Variants in TROAP observed in about 807,000 individuals in gnomAD.
TROAP encodes tastin.
A neutral mutation model predicts 83.4 loss-of-function variants in TROAP; 62 were observed. That is an observed-to-expected ratio of 0.74 (90% CI 0.61 to 0.92). TROAP has a LOEUF of 0.92. Ranked by LOEUF, TROAP falls within the 40% of genes least tolerant of loss-of-function variation. The pLI, the probability that TROAP is intolerant of heterozygous loss-of-function variation, is 0.00. For synonymous variants in TROAP, 352 were observed against 386.4 expected (o/e 0.91, Z 1.04); for missense variants, 876 against 985.1 (o/e 0.89, Z 1.48).
chr12:49,329,787 G>A lies in TROAP; in HGVS notation c.1165-70G>A, dbSNP rs1175725581. ...GGGGCTTCAATCCATTCCTCATGAG[G>A]GTGGGACTCAGGCTGGTCTTTCTCC... On this transcript the variant is annotated intron_variant, in intron 11 of 14. Coordinates refer to ENST00000257909, the MANE Select transcript of TROAP (RefSeq NM_005480.4). The surrounding 1 kb of genome is among the most constrained non-coding windows in gnomAD (Gnocchi z 4.5). 15 of 1,579,678 alleles carry A rather than the reference G, an allele frequency of 9.5e-6. No individual in the cohort carries two copies. Among genetic ancestry groups the A allele is most frequent in the African/African-American group, 1.3e-5 (1 of 74,260 alleles).
At position 49,330,802 on chromosome 12, in the gene TROAP, A is replaced by G; in HGVS notation, c.1957A>G (p.Ser653Gly). ...ASEPCTLEHR[S>G]LESSLPPCCS... The stretch of plus-strand genomic sequence containing the variant: ...AGAGCCCTGCACCCTGGAACATAGA[A>G]GTCTAGAGTCCAGTCTACCACCCTG... The change falls in exon 13 of 15, where the codon AGT (serine) becomes GGT (glycine). Residue 653 changes from serine to glycine, a missense_variant. Coordinates refer to ENST00000257909, the MANE Select transcript of TROAP (RefSeq NM_005480.4). The G allele has an allele frequency of 6.2e-7, 1 of 1,613,978 alleles. No individual in the cohort carries two copies.
chr12:49,327,171 G>A (rs759194516), intron 7 of TROAP, 38 bp from the exon 8 acceptor site: 1 of 1,612,370 alleles, frequency 6.2e-7, no homozygotes, highest in East Asian at 2.2e-5. Context: ...TTTGGTGGGT[G>A]TTCTAGAGTC....
At chr12:49,325,418 C>A (rs899199494) in intron 3 of TROAP, 83 bp from the exon 4 acceptor site, 1 of 1,412,444 alleles carries the variant, frequency 7.1e-7, no homozygotes, top group Non-Finnish European at 9.5e-7. Context: ...CTCTTGCTCA[C>A]CTTGTACCTC....
At chr12:49,326,304 C>T (rs1262850756) in intron 6 of TROAP, 146 bp downstream of exon 6, 10 of 802,894 alleles carry the variant, frequency 1.2e-5, no homozygotes, top group South Asian at 6.3e-5. Flanking sequence ...TGTGATTACC[C>T]GGGATGAGCC....
rs149813856 is a variant in TROAP at position 49,331,223 on chromosome 12, A to G, written c.2108A>G (p.Asn703Ser). The change falls in exon 14 of 15, where the codon AAT (asparagine) becomes AGT (serine). Residue 703 changes from asparagine (N) to serine (S), a missense_variant. By Grantham distance (46) the Asn-to-Ser change is conservative (BLOSUM62 1). Transcript: ENST00000257909. ...RPPAGQAGLS[N>S]LAPRTLALRE... ...TTTCCATGCCCCTCAGGCCTCAGCA[A>G]TCTGGCCCCTCGAACCCTAGCCCTG... 9.7e-5 allele frequency: 157 copies of G among 1,614,022 alleles called. No individual in the cohort carries two copies. The highest frequency in any genetic ancestry group is 4.7e-4 in the African/African-American group (35 of 74,908).
rs745450242 is a variant in TROAP at position 49,329,531 on chromosome 12, C to T, written c.1164+77C>T. 4 of 1,499,266 alleles carry T rather than the reference C, an allele frequency of 2.7e-6. No homozygotes were observed. Among genetic ancestry groups the T allele is most frequent in the Non-Finnish European group, 3.6e-6 (4 of 1,110,462 alleles). The allele number at this position is 1,499,266 out of a possible 1,614,324, so 92.9% of individuals were successfully genotyped here. On this transcript the variant is annotated intron_variant, in intron 11 of 14. Coordinates refer to ENST00000257909, the MANE Select transcript of TROAP (RefSeq NM_005480.4). The surrounding 1 kb of genome is among the most constrained non-coding windows in gnomAD (Gnocchi z 4.5). ...CCTGGAGGCCCAGGAGTTTGAGGCACACGTGCTTTCTGGGCCAGGCATGGT... is the reference window on the plus strand; with the variant it reads ...CCTGGAGGCCCAGGAGTTTGAGGCATACGTGCTTTCTGGGCCAGGCATGGT...
At position 49,330,583 on chromosome 12, in the gene TROAP, C is replaced by T. The variant is rs1299696961; in HGVS notation, c.1738C>T (p.Pro580Ser). Reference sequence around the variant, plus strand: ...CCAGGAACAGCTTGAGGTACCTGAGCCCTGCCCTCCAGCAGAACCCAGGCC... The same window carrying T: ...CCAGGAACAGCTTGAGGTACCTGAGTCCTGCCCTCCAGCAGAACCCAGGCC... The part of the protein sequence containing the change: ...SRQEQLEVPE[P>S]CPPAEPRPLE... The change falls in exon 13 of 15, where the codon CCC (proline) becomes TCC (serine). Residue 580 changes from proline (P) to serine (S), a missense_variant. Pro to Ser is a moderately conservative substitution (Grantham distance 74). This residue lies in a region of TROAP where 3 missense variants were observed against 24.1 expected (regional missense o/e 0.12). Transcript: ENST00000257909. 1 of 1,613,582 alleles carries T rather than the reference C, an allele frequency of 6.2e-7. No individual in the cohort carries two copies. Among genetic ancestry groups the T allele is most frequent in the Non-Finnish European group, 8.5e-7 (1 of 1,179,904 alleles).
At chr12:49,325,256 A>C (rs1013663248) in intron 3 of TROAP, among the ~76,000 whole-genome samples, 1 of 150,530 alleles carries the variant, frequency 6.6e-6, no homozygotes, top group Non-Finnish European at 1.5e-5. Context: ...GGGTTTTGCT[A>C]TGTTGGCCGG....
intron 6 of TROAP, 143 bp downstream of exon 6, chr12:49,326,301 A>G: frequency 3.7e-6 from 3 of 817,804 alleles, no homozygotes; most frequent in East Asian, 2.6e-5. Context: ...ACCTGTGATT[A>G]CCCGGGATGA....
intron 3 of TROAP, among the ~76,000 whole-genome samples, chr12:49,324,933 A>T: frequency 8.0e-6 from 1 of 125,586 alleles, no homozygotes; most frequent in Non-Finnish European, 1.6e-5. Context: ...TTTTTTTGAG[A>T]CAGAGTCTCA....
intron 13 of TROAP, 54 bp from the exon 14 acceptor site, chr12:49,331,160 C>T (rs750602198): frequency 3.1e-6 from 5 of 1,607,426 alleles, no homozygotes; most frequent in South Asian, 1.1e-5. Flanking sequence ...GAGGACAGTA[C>T]ATGGTGGAAG....
rs1057479317 is a variant in TROAP, at chr12:49,325,857, A to T, written c.606A>T (p.Thr202=). 1.2e-6 allele frequency: 2 copies of T among 1,613,662 alleles called. No homozygotes were observed. Among genetic ancestry groups the T allele is most frequent in the African/African-American group, 2.7e-5 (2 of 74,910 alleles). Reference sequence around the variant, plus strand: ...AGGGACCAGGACCTCGAGGCCGGACATTGTGCCCCCAGAGGCTACAGGCTC... The same window carrying T: ...AGGGACCAGGACCTCGAGGCCGGACTTTGTGCCCCCAGAGGCTACAGGCTC... ...RLEGPGPRGR[T]LCPQRLQALI... is the part of the protein sequence containing the mutation. The change falls in exon 5 of 15, where the codon ACA becomes ACT. Residue 202 remains threonine (T), a synonymous_variant. Coordinates refer to ENST00000257909, the MANE Select transcript of TROAP (RefSeq NM_005480.4).
chr12:49,328,923 A>G lies in TROAP; in HGVS notation c.892-4A>G, dbSNP rs375688251. The G allele has an allele frequency of 2.8e-5, 43 of 1,531,730 alleles. No individual in the cohort carries two copies. The African/African-American group carries it at 5.9e-4, about 21-fold the overall frequency. The allele number at this position is 1,531,730 out of a possible 1,614,324, so 94.9% of individuals were successfully genotyped here. On this transcript the variant is annotated splice_polypyrimidine_tract_variant and splice_region_variant and intron_variant, in intron 8 of 14. Transcript: ENST00000257909. ...TCACTCTTCCACCTTTTTCTTCTTC[A>G]CAGGACAGCCATGACTCCCACCTGA...
At position 49,329,980 on chromosome 12, in the gene TROAP, G is replaced by A. The variant is rs373474852; in HGVS notation, c.1288G>A (p.Val430Met). ...HSNRTPSLQE[V>M]KIQRIGILQQ... ...TAACAGAACCCCCAGCCTCCAGGAG[G>A]TGAAGATTCAAGTGAGTCTGTGTGG... The change falls in exon 12 of 15, where the codon GTG becomes ATG. Residue 430 changes from valine (V) to methionine (M), a missense_variant. By Grantham distance (21) the Val-to-Met change is conservative. Transcript: ENST00000257909. This position sits in a 1 kb window ranked among gnomAD's most constrained non-coding sequence, Gnocchi z 4.5. 26 of 1,614,012 alleles carry A rather than the reference G, an allele frequency of 1.6e-5. No homozygotes were observed. Among genetic ancestry groups the A allele is most frequent in the Non-Finnish European group, 2.1e-5 (25 of 1,180,004 alleles).
intron 7 of TROAP, 69 bp downstream of exon 7, chr12:49,326,789 G>T: frequency 6.6e-7 from 1 of 1,518,324 alleles, no homozygotes; most frequent in Non-Finnish European, 8.9e-7. Context: ...CAAGACCAGA[G>T]AAAACTCAGC....
rs201922610 is a variant in TROAP, at chr12:49,330,395, C to T, written c.1550C>T (p.Pro517Leu). The stretch of plus-strand genomic sequence containing the variant: ...TGCGGGGAACCACAGCCCTGCCCTC[C>T]GGCAGAGCCTGGGCCCCCAGAGGCC... ...EECGEPQPCP[P>L]AEPGPPEAFC... is the part of the protein sequence containing the mutation. The change falls in exon 13 of 15, where the codon CCG becomes CTG. Residue 517 changes from proline to leucine, a missense_variant. Pro to Leu is a moderately conservative substitution (Grantham distance 98). Transcript: ENST00000257909. 183 of 1,614,158 alleles carry T rather than the reference C, an allele frequency of 1.1e-4. No individual in the cohort carries two copies. The highest frequency in any genetic ancestry group is 4.5e-4 in the Admixed American group (27 of 60,028).
Position 49,329,885 on chromosome 12 carries a change from A to G in TROAP, c.1193A>G (p.Gln398Arg). ...CAGGTTGCCGTCCGGTTGTTTGACC[A>G]GGAGAGTTGTATAAGGTCACTGGAG... ...WEQVAVRLFDQESCIRSLEGS... is the reference protein window; with the variant it reads ...WEQVAVRLFDRESCIRSLEGS... Residue 398 changes from glutamine (Q) to arginine (R), a missense_variant, in exon 12 of 15, where the codon CAG becomes CGG. This residue lies in a region of TROAP where 689 missense variants were observed against 722.6 expected (regional missense o/e 0.95). Transcript: ENST00000257909. The surrounding 1 kb of genome is among the most constrained non-coding windows in gnomAD (Gnocchi z 4.5). 1 of 1,614,006 alleles carries G rather than the reference A, an allele frequency of 6.2e-7. No homozygotes were observed. The highest frequency in any genetic ancestry group is 8.5e-7 in the Non-Finnish European group (1 of 1,179,978).
intron 1 of TROAP, 57 bp downstream of exon 1, chr12:49,323,406 C>T: frequency 1.5e-6 from 1 of 647,640 alleles, no homozygotes. Context: ...GGGAGGAGGG[C>T]AGTTTGGGGC....
chr12:49,326,028 T>TG, intron 5 of TROAP, 48 bp from the exon 6 acceptor site: 1 of 1,609,774 alleles, frequency 6.2e-7, no homozygotes, highest in Non-Finnish European at 8.5e-7. Context: ...CCTGAGGGTT[T>TG]GGGGTCCACC....
Sources: allele counts gnomAD v4.1 joint callset (sites outside exome capture counted in the v4.1 genomes callset), GRCh38; gene constraint gnomAD v4.1.1; regional missense constraint gnomAD v4.1.1; non-coding constraint Gnocchi (gnomAD v3.1); transcripts MANE v1.5; gene names NCBI Gene and HGNC (gene_info 2026-07-23, HGNC 2026-07-21).